Variants in CSMD1 observed in about 807,000 individuals in gnomAD.
CSMD1 encodes the protein CUB and Sushi multiple domains 1, also known as CUB and sushi domain-containing protein 1.
In CSMD1, 213 loss-of-function variants were observed where a neutral mutation model predicts 417.5. The ratio of observed to expected loss-of-function variants is 0.51; its 90% CI spans 0.46 to 0.57. The LOEUF is 0.57. CSMD1 is among the 20% of genes least tolerant of loss of function. The pLI is 0.00. For missense variants in CSMD1, 6,923 were observed against 4,529.7 expected (o/e 1.53, Z -15.17); for synonymous variants, 2,862 against 1,736.8 (o/e 1.65, Z -16.11).
chr8:3,954,527 C>T (rs1224631137), intron 5 of CSMD1, among the ~76,000 whole-genome samples: 1 of 152,026 alleles, frequency 6.6e-6, no homozygotes, highest in African/African-American at 2.4e-5. Flanking sequence ...CCACCACTCC[C>T]AGATAATTTT....
chr8:3,155,385 T>TTTTTTTTTTTTTTTTTG (rs1491170504), intron 39 of CSMD1, among the ~76,000 whole-genome samples: 1 of 108,852 alleles, frequency 9.2e-6, no homozygotes, highest in Non-Finnish European at 1.8e-5. Context: ...TTTTTTTTTT[T>TTTTTTTTTTTTTTTTTG]GAGACAGAAT....
intron 5 of CSMD1, among the ~76,000 whole-genome samples, chr8:3,991,378 C>T (rs1220143106): frequency 6.6e-6 from 1 of 152,176 alleles, no homozygotes; most frequent in African/African-American, 2.4e-5. Context: ...TTCAGTGCGT[C>T]ACGGTTGCAT....
intron 1 of CSMD1, among the ~76,000 whole-genome samples, chr8:4,722,928 T>C (rs1286444534): frequency 6.6e-6 from 1 of 152,210 alleles, no homozygotes; most frequent in Non-Finnish European, 1.5e-5. Flanking sequence ...ATCCAGCTGA[T>C]CTTTTCAGAT....
chr8:4,980,065 A>C (rs1810798245), intron 1 of CSMD1, among the ~76,000 whole-genome samples: 1 of 152,192 alleles, frequency 6.6e-6, no homozygotes, highest in African/African-American at 2.4e-5. Context: ...TAAATTAAAT[A>C]GTTAACACAA....
chr8:4,284,360 C>G (rs1796947056), intron 3 of CSMD1, among the ~76,000 whole-genome samples: 3 of 151,186 alleles, frequency 2.0e-5, no homozygotes, highest in African/African-American at 2.4e-5. Context: ...AAGAGAGAAA[C>G]TACAACCCCC....
At chr8:3,265,291 A>G (rs955845211) in intron 26 of CSMD1, among the ~76,000 whole-genome samples, 8 of 152,366 alleles carry the variant, frequency 5.3e-5, no homozygotes, top group Non-Finnish European at 7.3e-5. Context: ...CAGAGGAGGA[A>G]GAAATGGTAA....
chr8:3,241,251 C>T (rs147084459), intron 26 of CSMD1, among the ~76,000 whole-genome samples: 61,495 of 144,506 alleles, frequency 0.43, 14,121 homozygotes, highest in Non-Finnish European at 0.51. Context: ...ATTGTCTAAG[C>T]TGGCACCAGA....
chr8:3,798,535 A>G (rs1056055667), intron 5 of CSMD1, among the ~76,000 whole-genome samples: 3 of 152,102 alleles, frequency 2.0e-5, no homozygotes, highest in Admixed American at 2.0e-4. Context: ...AGCAAAGATC[A>G]TATGAAAACA....
intron 3 of CSMD1, among the ~76,000 whole-genome samples, chr8:4,188,854 T>C (rs1798845342): frequency 6.6e-6 from 1 of 151,420 alleles, no homozygotes; most frequent in African/African-American, 2.4e-5. Flanking sequence ...AAACGAAATG[T>C]TTCTGCATTT....
At chr8:3,237,825 AG>A (rs200272671) in intron 26 of CSMD1, among the ~76,000 whole-genome samples, 8 of 112,192 alleles carry the variant, frequency 7.1e-5, no homozygotes, top group African/African-American at 1.9e-4. Context: ...TTATACTACA[AG>A]TATAATTTTT....
At chr8:3,668,752 C>T (rs576393523) in intron 7 of CSMD1, among the ~76,000 whole-genome samples, 3 of 152,112 alleles carry the variant, frequency 2.0e-5, no homozygotes, top group Non-Finnish European at 2.9e-5. Flanking sequence ...CTAGGGAAGA[C>T]CCATACTGAA....
intron 7 of CSMD1, among the ~76,000 whole-genome samples, chr8:3,695,745 A>G (rs888942578): frequency 8.5e-5 from 13 of 152,168 alleles, no homozygotes; most frequent in Non-Finnish European, 1.8e-4. Context: ...TGACAGCTAA[A>G]CCCTAGTCTG....
At chr8:4,276,562 G>A (rs1212572772) in intron 3 of CSMD1, among the ~76,000 whole-genome samples, 2 of 152,058 alleles carry the variant, frequency 1.3e-5, no homozygotes, top group African/African-American at 4.8e-5. Context: ...TGCACGTTCT[G>A]CACATGTACC....
Position 4,363,938 on chromosome 8 carries a change from A to C in CSMD1, c.415+56015T>G, listed in dbSNP as rs189949113. ...GGCAGGGGGGAGATGAAAATGGTTAACAAGTACAAAAAAGAAAGAATGAGT... is the reference window on the plus strand; with the variant it reads ...GGCAGGGGGGAGATGAAAATGGTTACCAAGTACAAAAAAGAAAGAATGAGT... On this transcript the variant is annotated intron_variant, in intron 3 of 69. Transcript: ENST00000635120. 2.7e-3 allele frequency among the ~76,000 whole-genome samples: 411 copies of C among 152,308 alleles called. 12 individuals carry two copies. The highest frequency in any genetic ancestry group is 4.0e-4 in the Non-Finnish European group (27 of 68,026).
intron 2 of CSMD1, among the ~76,000 whole-genome samples, chr8:4,482,740 C>T (rs1404362696): frequency 1.3e-5 from 2 of 152,188 alleles, no homozygotes; most frequent in Non-Finnish European, 2.9e-5. Flanking sequence ...TTTTTAGCCA[C>T]AACCTTGCCA....
chr8:4,572,550 T>A (rs977944575), intron 2 of CSMD1, among the ~76,000 whole-genome samples: 2 of 152,170 alleles, frequency 1.3e-5, no homozygotes, highest in African/African-American at 4.8e-5. Context: ...GCCCTTAGCA[T>A]TTTTTCCTGT....
intron 1 of CSMD1, among the ~76,000 whole-genome samples, chr8:4,970,551 C>T (rs1478773359): frequency 6.6e-6 from 1 of 151,930 alleles, no homozygotes; most frequent in Admixed American, 6.6e-5. Context: ...CTTTGGACAA[C>T]AGGTGGTATG....
intron 1 of CSMD1, among the ~76,000 whole-genome samples, chr8:4,698,570 C>T (rs1807287063): frequency 1.3e-5 from 2 of 149,178 alleles, no homozygotes. Flanking sequence ...TTAAAGATAA[C>T]TGTTTTTATA....
intron 2 of CSMD1, among the ~76,000 whole-genome samples, chr8:4,608,916 G>A (rs958213186): frequency 6.6e-6 from 1 of 151,634 alleles, no homozygotes; most frequent in Non-Finnish European, 1.5e-5. Context: ...TGGATCCAAA[G>A]TTAAGCCCTG....
Sources: allele counts gnomAD v4.1 joint callset (sites outside exome capture counted in the v4.1 genomes callset), GRCh38; gene constraint gnomAD v4.1.1; transcripts MANE v1.5; gene names NCBI Gene and HGNC (gene_info 2026-07-23, HGNC 2026-07-21).